NR3C2: variants seen among roughly 807,000 people sequenced by gnomAD.
The protein encoded by NR3C2 is nuclear receptor subfamily 3 group C member 2.
NR3C2 carries 15 observed loss-of-function variants against 86.4 expected under a neutral mutation model. The ratio of observed to expected loss-of-function variants is 0.17; its 90% CI spans 0.12 to 0.27. The LOEUF (loss-of-function observed/expected upper bound fraction) is 0.27, where lower values mean the gene tolerates loss of function less well. Ranked by LOEUF, NR3C2 falls within the 10% of genes least tolerant of loss-of-function variation. NR3C2 has a pLI of 1.00. For missense variants in NR3C2, 960 were observed against 1,195.6 expected, an observed-to-expected ratio of 0.80 and a Z score of 2.91; for synonymous variants, 458 against 450.5, an observed-to-expected ratio of 1.02 and a Z score of -0.21.
intron 2 of NR3C2, among the ~76,000 whole-genome samples, chr4:148,309,773 C>G (rs1388346907): frequency 2.0e-5 from 3 of 152,152 alleles, no homozygotes; most frequent in Non-Finnish European, 4.4e-5. Context: ...TGGGGATTGT[C>G]CAAGTTCCCA....
chr4:148,203,340 T>A (rs966883297), intron 3 of NR3C2, among the ~76,000 whole-genome samples: 1 of 152,296 alleles, frequency 6.6e-6, no homozygotes, highest in African/African-American at 2.4e-5. Flanking sequence ...AAATCATTTA[T>A]TTTCAGTATC....
intron 4 of NR3C2, among the ~76,000 whole-genome samples, chr4:148,160,180 C>A (rs17580772): frequency 0.033 from 5,061 of 152,246 alleles, 133 homozygotes; most frequent in Non-Finnish European, 0.049. Flanking sequence ...TCTTTCCTGG[C>A]ACTGCTGGGA....
At chr4:148,188,283 T>C (rs1028986318) in intron 4 of NR3C2, among the ~76,000 whole-genome samples, 4 of 152,156 alleles carry the variant, frequency 2.6e-5, no homozygotes, top group South Asian at 2.1e-4. Context: ...GGGGATTGCG[T>C]TGAATTTGTA....
chr4:148,436,980 T>A, intron 1 of NR3C2, 118 bp from the exon 2 acceptor site: 1 of 811,112 alleles, frequency 1.2e-6, no homozygotes, highest in South Asian at 1.7e-5. Flanking sequence ...ATGAGCAACA[T>A]TTCTAGCTAA....
intron 8 of NR3C2, among the ~76,000 whole-genome samples, chr4:148,101,011 C>G (rs1731509493): frequency 7.2e-6 from 1 of 139,692 alleles, no homozygotes. Flanking sequence ...TCCCAGTAGT[C>G]AAATTCATAG....
At chr4:148,164,494 C>T (rs1157378401) in intron 4 of NR3C2, among the ~76,000 whole-genome samples, 1 of 152,058 alleles carries the variant, frequency 6.6e-6, no homozygotes, top group East Asian at 1.9e-4. Flanking sequence ...GATAACTATG[C>T]TGAAGACTGA....
At chr4:148,440,895 T>C (rs963270820) in intron 1 of NR3C2, among the ~76,000 whole-genome samples, 3 of 152,232 alleles carry the variant, frequency 2.0e-5, no homozygotes, top group Non-Finnish European at 2.9e-5. Flanking sequence ...ATGGAAATGA[T>C]AGAAAAGGCA....
chr4:148,309,691 GT>G (rs1456221624), intron 2 of NR3C2, among the ~76,000 whole-genome samples: 3 of 152,170 alleles, frequency 2.0e-5, no homozygotes, highest in Non-Finnish European at 4.4e-5. Context: ...AAGATGCAGT[GT>G]TTTTATGAAC....
At chr4:148,315,751 T>C (rs1743140032) in intron 2 of NR3C2, among the ~76,000 whole-genome samples, 2 of 152,186 alleles carry the variant, frequency 1.3e-5, no homozygotes, top group Non-Finnish European at 2.9e-5. Flanking sequence ...AAATTTCCTT[T>C]AGGGGCCTTA....
intron 8 of NR3C2, among the ~76,000 whole-genome samples, chr4:148,081,779 A>G (rs911357480): frequency 2.0e-5 from 3 of 152,232 alleles, no homozygotes; most frequent in African/African-American, 7.2e-5. Context: ...GACAGAGTTA[A>G]CAGTGACTGG....
At chr4:148,153,883 T>C (rs941588047) in intron 5 of NR3C2, among the ~76,000 whole-genome samples, 1 of 152,254 alleles carries the variant, frequency 6.6e-6, no homozygotes, top group African/African-American at 2.4e-5. Flanking sequence ...ACCCTCGTTA[T>C]GAGCCGCTAA....
At chr4:148,083,178 C>T (rs1476135631) in intron 8 of NR3C2, among the ~76,000 whole-genome samples, 1 of 152,208 alleles carries the variant, frequency 6.6e-6, no homozygotes, top group Non-Finnish European at 1.5e-5. Flanking sequence ...TCCTGCCTGC[C>T]GGCTCTGAAG....
intron 2 of NR3C2, among the ~76,000 whole-genome samples, chr4:148,394,347 T>C (rs1358018518): frequency 6.6e-6 from 1 of 150,780 alleles, no homozygotes; most frequent in Non-Finnish European, 1.5e-5. Context: ...ATATAGAAAT[T>C]GGTACCAGAA....
intron 2 of NR3C2, among the ~76,000 whole-genome samples, chr4:148,403,127 TACCCA>T (rs1748250682): frequency 6.6e-6 from 1 of 152,090 alleles, no homozygotes; most frequent in African/African-American, 2.4e-5. Flanking sequence ...GAAAGTGTAT[TACCCA>T]AATAGTCTAA....
At chr4:148,222,545 A>G (rs1303512743) in intron 3 of NR3C2, among the ~76,000 whole-genome samples, 1 of 152,246 alleles carries the variant, frequency 6.6e-6, no homozygotes, top group Non-Finnish European at 1.5e-5. Context: ...ATGATAATTG[A>G]AAGAGAAGCA....
chr4:148,399,242 A>G (rs1280503569), intron 2 of NR3C2, among the ~76,000 whole-genome samples: 4 of 152,192 alleles, frequency 2.6e-5, no homozygotes, highest in East Asian at 1.9e-4. Flanking sequence ...TTCCATATAT[A>G]GTAAACATTC....
At chr4:148,150,493 A>T (rs1385582666) in intron 6 of NR3C2, among the ~76,000 whole-genome samples, 3 of 152,230 alleles carry the variant, frequency 2.0e-5, no homozygotes, top group Admixed American at 2.0e-4. Flanking sequence ...GCACTTCAGC[A>T]CTACGTCTAG....
intron 8 of NR3C2, among the ~76,000 whole-genome samples, chr4:148,094,727 C>CAA: frequency 8.4e-6 from 1 of 118,816 alleles, no homozygotes; most frequent in South Asian, 2.4e-4. Flanking sequence ...AAAAAAAAAA[C>CAA]AAAAAAAACA....
At chr4:148,418,885 A>C (rs1749135992) in intron 2 of NR3C2, among the ~76,000 whole-genome samples, 1 of 152,170 alleles carries the variant, frequency 6.6e-6, no homozygotes, top group Non-Finnish European at 1.5e-5. Context: ...GTATGACCTA[A>C]AAGCTGGCTT....
Sources: gnomAD v4.1 joint callset for allele counts (sites outside exome capture counted in the v4.1 genomes callset) on GRCh38, gnomAD v4.1.1 for gene constraint, MANE v1.5 for transcripts, NCBI Gene and HGNC (gene_info 2026-07-23, HGNC 2026-07-21) for gene names.